Variants in RAB7A observed in about 807,000 individuals in gnomAD.
RAB7A encodes ras-related protein Rab-7a.
In RAB7A, 2 loss-of-function variants were observed where a neutral mutation model predicts 24.5. The observed-to-expected ratio is 0.08, with a 90% CI of 0.03 to 0.26. The LOEUF (loss-of-function observed/expected upper bound fraction) is 0.26, where lower values mean the gene tolerates loss of function less well. RAB7A is among the 10% of genes least tolerant of loss of function. The pLI is 1.00. For missense variants in RAB7A, 118 were observed against 255.7 expected (o/e 0.46, Z 3.67); for synonymous variants, 100 against 95.9 (o/e 1.04, Z -0.25).
At chr3:128,806,707 A>G (rs2107615736) in intron 4 of RAB7A, 117 bp downstream of exon 4, 1 of 1,065,474 alleles carries the variant, frequency 9.4e-7, no homozygotes, top group East Asian at 2.6e-5. Context: ...GGGAGTCTTC[A>G]TTACCATATG....
intron 1 of RAB7A, among the ~76,000 whole-genome samples, chr3:128,759,971 A>C (rs999881808): frequency 5.3e-5 from 8 of 152,042 alleles, no homozygotes; most frequent in Non-Finnish European, 1.0e-4. Flanking sequence ...CGGCCTCCCA[A>C]AGTGCTGGGA....
intron 1 of RAB7A, among the ~76,000 whole-genome samples, chr3:128,738,640 A>G (rs1380416942): frequency 6.6e-6 from 1 of 152,174 alleles, no homozygotes; most frequent in African/African-American, 2.4e-5. Flanking sequence ...CTTGCCACAG[A>G]TTATCTTATA....
chr3:128,783,769 C>T (rs1933272238), intron 1 of RAB7A, among the ~76,000 whole-genome samples: 1 of 152,212 alleles, frequency 6.6e-6, no homozygotes, highest in Non-Finnish European at 1.5e-5. Context: ...CATTTTCCAG[C>T]ATGCTTTCTG....
At chr3:128,764,701 T>G in intron 1 of RAB7A, 1 of 813,742 alleles carries the variant, frequency 1.2e-6, no homozygotes, top group Non-Finnish European at 2.2e-6. Context: ...TTTTTCCAAA[T>G]GTGATGCACA....
chr3:128,732,929 A>G lies in RAB7A; in HGVS notation c.-9+6570A>G, dbSNP rs561215434. Among the ~76,000 whole-genome samples, 21 of 152,324 alleles carry G rather than the reference A, an allele frequency of 1.4e-4. No individual in the cohort carries two copies. The South Asian group carries it at 4.3e-3, about 32-fold the overall frequency. On this transcript the variant is annotated intron_variant, in intron 1 of 5. Coordinates refer to ENST00000265062, the MANE Select transcript of RAB7A (RefSeq NM_004637.6). ...TGTGACCTGTGATACTTCTCCTAGT[A>G]GACACTGAATGATGAGAAGCTGGGG...
intron 1 of RAB7A, among the ~76,000 whole-genome samples, chr3:128,780,727 G>C (rs1374929090): frequency 6.6e-6 from 1 of 152,174 alleles, no homozygotes; most frequent in East Asian, 1.9e-4. Flanking sequence ...TAGGGCATAG[G>C]ATATTTTAGC....
intron 2 of RAB7A, 42 bp from the exon 3 acceptor site, chr3:128,797,901 C>T: frequency 5.6e-6 from 9 of 1,607,008 alleles, no homozygotes; most frequent in Non-Finnish European, 6.8e-6. Context: ...GTTTCAGGAC[C>T]CTCCTATTTG....
At chr3:128,743,280 C>T (rs2070574518) in intron 1 of RAB7A, among the ~76,000 whole-genome samples, 1 of 152,232 alleles carries the variant, frequency 6.6e-6, no homozygotes, top group African/African-American at 2.4e-5. Flanking sequence ...CCGCGCGCAG[C>T]CCCAGTTTCC....
intron 1 of RAB7A, among the ~76,000 whole-genome samples, chr3:128,741,868 T>C (rs2107586510): frequency 6.6e-6 from 1 of 152,024 alleles, no homozygotes; most frequent in Middle Eastern, 3.4e-3. Context: ...GGCTGGAGTA[T>C]AGTAGTGCGA....
At chr3:128,757,500 ATATTTT>A (rs1576279714) in intron 1 of RAB7A, among the ~76,000 whole-genome samples, 1 of 151,720 alleles carries the variant, frequency 6.6e-6, no homozygotes, top group African/African-American at 2.4e-5. Context: ...TTTAAATAAA[ATATTTT>A]TATTTATTTT....
intron 1 of RAB7A, among the ~76,000 whole-genome samples, chr3:128,727,548 G>C (rs2070393300): frequency 6.6e-6 from 1 of 152,192 alleles, no homozygotes; most frequent in Non-Finnish European, 1.5e-5. Flanking sequence ...ACATATTGTG[G>C]TGTAGTGTCA....
intron 1 of RAB7A, among the ~76,000 whole-genome samples, chr3:128,788,044 A>G (rs548750294): frequency 6.6e-6 from 1 of 152,368 alleles, no homozygotes; most frequent in African/African-American, 2.4e-5. Flanking sequence ...TGTTTGGATT[A>G]GCTTGATGAA....
chr3:128,734,663 T>C (rs898311272), intron 1 of RAB7A, among the ~76,000 whole-genome samples: 4 of 152,006 alleles, frequency 2.6e-5, no homozygotes, highest in African/African-American at 9.7e-5. Context: ...TCCAACTCTC[T>C]TTTTTGGTCA....
intron 1 of RAB7A, among the ~76,000 whole-genome samples, chr3:128,740,146 G>T (rs979545982): frequency 6.6e-6 from 1 of 152,134 alleles, no homozygotes; most frequent in African/African-American, 2.4e-5. Flanking sequence ...GGAGGCCGCC[G>T]AGATGGGTGG....
chr3:128,760,066 A>G (rs1014581373), intron 1 of RAB7A, among the ~76,000 whole-genome samples: 1 of 152,102 alleles, frequency 6.6e-6, no homozygotes, highest in Non-Finnish European at 1.5e-5. Flanking sequence ...ATATGTGGCT[A>G]AACATTATTC....
intron 1 of RAB7A, among the ~76,000 whole-genome samples, chr3:128,764,188 G>T (rs1469000076): frequency 1.3e-5 from 2 of 152,052 alleles, no homozygotes; most frequent in African/African-American, 4.8e-5. Context: ...GTCCTTCCCC[G>T]GCTCCTCCCA....
At chr3:128,757,497 A>G (rs2070739897) in intron 1 of RAB7A, among the ~76,000 whole-genome samples, 1 of 151,782 alleles carries the variant, frequency 6.6e-6, no homozygotes, top group African/African-American at 2.4e-5. Context: ...TTTTTTAAAT[A>G]AAATATTTTT....
intron 1 of RAB7A, among the ~76,000 whole-genome samples, chr3:128,731,263 C>T (rs1194603852): frequency 6.6e-6 from 1 of 152,130 alleles, no homozygotes; most frequent in Non-Finnish European, 1.5e-5. Flanking sequence ...TATGAATTAA[C>T]CTTAAATAAC....
At chr3:128,741,189 T>C (rs1416017126) in intron 1 of RAB7A, among the ~76,000 whole-genome samples, 1 of 152,120 alleles carries the variant, frequency 6.6e-6, no homozygotes, top group Non-Finnish European at 1.5e-5. Context: ...GTTTATAAAC[T>C]TTATATGGCA....
Sources: gnomAD v4.1 joint callset for allele counts (sites outside exome capture counted in the v4.1 genomes callset) on GRCh38, gnomAD v4.1.1 for gene constraint, MANE v1.5 for transcripts, NCBI Gene and HGNC (gene_info 2026-07-23, HGNC 2026-07-21) for gene names.